The following CRACD variants were observed in gnomAD, a reference collection of about 807,000 sequenced individuals.
CRACD encodes the protein capping protein inhibiting regulator of actin dynamics.
In CRACD, 56 loss-of-function variants were observed where a neutral mutation model predicts 106.8. The ratio of observed to expected loss-of-function variants is 0.52; its 90% CI spans 0.42 to 0.66. The LOEUF (loss-of-function observed/expected upper bound fraction) is 0.66. Among genes scored for constraint, CRACD ranks in the 30% least tolerant of loss-of-function variants. The pLI is 0.00. For missense variants in CRACD, 1,730 were observed against 1,623.2 expected, an observed-to-expected ratio of 1.07 and a Z score of -1.13; for synonymous variants, 754 against 670.8, an observed-to-expected ratio of 1.12 and a Z score of -1.92.
At chr4:56,213,576 G>A (rs1738519077) in intron 2 of CRACD, among the ~76,000 whole-genome samples, 1 of 152,204 alleles carries the variant, frequency 6.6e-6, no homozygotes, top group Admixed American at 6.5e-5. Flanking sequence ...AGAGACTCCA[G>A]TACAGCCACA....
chr4:56,194,525 C>A (rs977160397), intron 2 of CRACD, among the ~76,000 whole-genome samples: 3 of 152,156 alleles, frequency 2.0e-5, no homozygotes, highest in Admixed American at 1.3e-4. Context: ...AAGATGCTAA[C>A]CCTTAAGGTG....
chr4:56,307,539 A>C lies in CRACD; in HGVS notation c.125A>C (p.Gln42Pro). ...CTTTCTTCTGTTTCTCTCCAGCAAC[A>C]GTTGGGCAAGAATATCAAGTTTGGG... ...ILGKVKTLQQ[Q>P]LGKNIKFGQR... Residue 42 changes from glutamine to proline, a missense_variant, in exon 5 of 11, where the codon CAG becomes CCG. Gln to Pro is a moderately conservative substitution (Grantham distance 76). This residue lies in a region of CRACD where 1,620 missense variants were observed against 1,481.6 expected (regional missense o/e 1.09). Transcript: ENST00000682029. 1 of 1,614,106 alleles carries C rather than the reference A, an allele frequency of 6.2e-7. No homozygotes were observed. The highest frequency in any genetic ancestry group is 8.5e-7 in the Non-Finnish European group (1 of 1,180,004).
At chr4:56,224,337 G>A (rs114505428) in intron 2 of CRACD, among the ~76,000 whole-genome samples, 2,585 of 152,068 alleles carry the variant, frequency 0.017, 69 homozygotes, top group African/African-American at 0.058. Flanking sequence ...TAGGTCTTTT[G>A]TTGTGTTGGC....
chr4:56,086,936 A>T (rs1210141219), intron 1 of CRACD, among the ~76,000 whole-genome samples: 1 of 152,182 alleles, frequency 6.6e-6, no homozygotes, highest in Non-Finnish European at 1.5e-5. Context: ...TACCACAGGT[A>T]CTGGGTACCA....
chr4:56,091,258 G>T (rs1733415406), intron 1 of CRACD, among the ~76,000 whole-genome samples: 1 of 151,914 alleles, frequency 6.6e-6, no homozygotes, highest in Admixed American at 6.6e-5. Context: ...ATCTTTTCCA[G>T]GCTGGTCTCA....
In CRACD at chr4:56,315,414, C is replaced by G; in HGVS notation, c.1912C>G (p.Pro638Ala). ...CGCGGAAGCCCCAGCTGGGGAGAACCCTCCCCGAGGCCCCGGCGACGCGAG... is the reference window on the plus strand; with the variant it reads ...CGCGGAAGCCCCAGCTGGGGAGAACGCTCCCCGAGGCCCCGGCGACGCGAG... Reference protein sequence around the residue: ...KHAEAPAGENPPRGPGDARAG... With the variant: ...KHAEAPAGENAPRGPGDARAG... Residue 638 changes from proline to alanine, a missense_variant, in exon 8 of 11, where the codon CCT (proline) becomes GCT (alanine). Physicochemically the swap from Pro to Ala is conservative, Grantham distance 27 (BLOSUM62 -1). This residue lies in a region of CRACD where 1,620 missense variants were observed against 1,481.6 expected (regional missense o/e 1.09). Coordinates refer to ENST00000682029, the MANE Select transcript of CRACD (RefSeq NM_001393381.1). This position sits in a 1 kb window ranked among gnomAD's most constrained non-coding sequence, Gnocchi z 4.1. 2 of 1,612,750 alleles carry G rather than the reference C, an allele frequency of 1.2e-6. No homozygotes were observed. The highest frequency in any genetic ancestry group is 1.3e-5 in the African/African-American group (1 of 75,036).
At chr4:56,057,881 C>T (rs1204654478) in intron 1 of CRACD, among the ~76,000 whole-genome samples, 2 of 73,918 alleles carry the variant, frequency 2.7e-5, no homozygotes, top group Non-Finnish European at 5.0e-5. Flanking sequence ...TGCAGTGGCG[C>T]GATCTCGGCT....
At chr4:56,323,030 A>G (rs1027372400) in intron 8 of CRACD, among the ~76,000 whole-genome samples, 8 of 152,232 alleles carry the variant, frequency 5.3e-5, no homozygotes, top group African/African-American at 1.9e-4. Context: ...CTGTCAAACA[A>G]CAACAAAAAG....
chr4:56,084,151 A>G (rs1321192823), intron 1 of CRACD, among the ~76,000 whole-genome samples: 1 of 152,324 alleles, frequency 6.6e-6, no homozygotes, highest in Admixed American at 6.5e-5. Context: ...CATCACCCCA[A>G]AAGACCAGTG....
At chr4:56,273,468 A>T (rs1168010995) in intron 3 of CRACD, among the ~76,000 whole-genome samples, 1 of 150,286 alleles carries the variant, frequency 6.7e-6, no homozygotes, top group African/African-American at 2.5e-5. Context: ...GAACACAGGC[A>T]CTAAATCTGG....
At chr4:56,273,127 T>C (rs1239714773) in intron 3 of CRACD, among the ~76,000 whole-genome samples, 1 of 152,136 alleles carries the variant, frequency 6.6e-6, no homozygotes, top group Non-Finnish European at 1.5e-5. Context: ...AGACTGTGTT[T>C]CCTTATGCCA....
intron 8 of CRACD, chr4:56,321,031 G>A (rs1401907): frequency 0.56 from 96,073 of 170,308 alleles, 27,738 homozygotes; most frequent in South Asian, 0.68. Context: ...CCTTTTTGTC[G>A]CTGAATCCCA....
intron 3 of CRACD, among the ~76,000 whole-genome samples, chr4:56,284,233 T>A (rs1261311242): frequency 7.7e-6 from 1 of 129,978 alleles, no homozygotes; most frequent in Non-Finnish European, 1.5e-5. Context: ...GTGGGAGGAT[T>A]CCTTGAGCCC....
intron 2 of CRACD, among the ~76,000 whole-genome samples, chr4:56,218,074 C>G (rs1053435677): frequency 2.6e-5 from 4 of 152,120 alleles, no homozygotes; most frequent in African/African-American, 9.7e-5. Flanking sequence ...CTCCCAATTT[C>G]CCCTTTTTAC....
At chr4:56,125,901 A>C (rs1375437930) in intron 1 of CRACD, among the ~76,000 whole-genome samples, 1 of 149,988 alleles carries the variant, frequency 6.7e-6, no homozygotes, top group Non-Finnish European at 1.5e-5. Context: ...CCTCCCGAGT[A>C]GCTGGGATTA....
rs1745401656 is a variant in CRACD, at chr4:56,314,505, C to T, written c.1003C>T (p.Leu335=). The change falls in exon 8 of 11, where the codon CTG becomes TTG. Residue 335 remains leucine (L), a synonymous_variant. Transcript: ENST00000682029. This position sits in a 1 kb window ranked among gnomAD's most constrained non-coding sequence, Gnocchi z 4.4. ...GGCCCAAGCGGAGGAGAGGCGGCGG[C>T]TGGAGGAGGACGCCAGGCTGGAGGA... ...AQAQAEERRR[L]EEDARLEERR... 2.6e-6 allele frequency: 4 copies of T among 1,515,932 alleles called. No individual in the cohort carries two copies. The African/African-American group carries it at 4.2e-5, about 16-fold the overall frequency. The allele number at this position is 1,515,932 out of a possible 1,614,324, so 93.9% of individuals were successfully genotyped here. A position where few individuals can be genotyped will look rare whatever the true frequency, so the allele number is the denominator to read the frequency against.
At position 56,275,368 on chromosome 4, in the gene CRACD, T is replaced by C. The variant is rs1742618855; in HGVS notation, c.-17+2876T>C. On this transcript the variant is annotated intron_variant, in intron 3 of 10. Coordinates refer to ENST00000682029, the MANE Select transcript of CRACD (RefSeq NM_001393381.1). The stretch of plus-strand genomic sequence containing the variant: ...TGCTCGGGAGGCTGAGGCGGGAAGA[T>C]CATTTGAGCCAGGAGTTCAAGGCTA... 2.6e-5 allele frequency among the ~76,000 whole-genome samples: 4 copies of C among 152,072 alleles called. No homozygotes were observed. The South Asian group carries it at 8.3e-4, about 32-fold the overall frequency.
chr4:56,173,365 T>C (rs1276032489), intron 1 of CRACD, among the ~76,000 whole-genome samples: 1 of 152,204 alleles, frequency 6.6e-6, no homozygotes, highest in Non-Finnish European at 1.5e-5. Context: ...ATTTCAGGTG[T>C]TCTGTAAAGT....
chr4:56,241,134 T>C (rs747083399), intron 2 of CRACD, among the ~76,000 whole-genome samples: 1 of 152,234 alleles, frequency 6.6e-6, no homozygotes, highest in South Asian at 2.1e-4. Context: ...AAAGTGCTCA[T>C]GAAATTTTCC....
Sources: allele counts gnomAD v4.1 joint callset (sites outside exome capture counted in the v4.1 genomes callset), GRCh38; gene constraint gnomAD v4.1.1; regional missense constraint gnomAD v4.1.1; non-coding constraint Gnocchi (gnomAD v3.1); transcripts MANE v1.5; gene names NCBI Gene and HGNC (gene_info 2026-07-23, HGNC 2026-07-21).